Variants in JPH3 observed in about 807,000 individuals in gnomAD.
JPH3 encodes the protein junctophilin-3.
Under a neutral mutation model 59.6 loss-of-function variants are expected in JPH3, and 11 were observed. The observed-to-expected ratio is 0.18, with a 90% confidence interval of 0.12 to 0.31. The LOEUF is 0.31. Ranked by LOEUF, JPH3 falls within the 10% of genes least tolerant of loss-of-function variation. The pLI, the probability that JPH3 is intolerant of heterozygous loss-of-function variation, is 1.00. For missense variants in JPH3, 1,202 were observed against 1,105.7 expected (o/e 1.09, Z -1.24); for synonymous variants, 673 against 483.6 (o/e 1.39, Z -5.14).
intron 1 of JPH3, among the ~76,000 whole-genome samples, chr16:87,618,838 C>T (rs2031068709): frequency 6.6e-6 from 1 of 152,150 alleles, no homozygotes; most frequent in African/African-American, 2.4e-5. Context: ...CCTGTAATTC[C>T]AGCACTTTGG....
chr16:87,640,964 C>T (rs1290070205), intron 1 of JPH3, among the ~76,000 whole-genome samples: 2 of 152,234 alleles, frequency 1.3e-5, no homozygotes, highest in African/African-American at 4.8e-5. Context: ...CTGAGACCCA[C>T]CGAGCCTAGT....
At chr16:87,637,275 C>G (rs1365688679) in intron 1 of JPH3, among the ~76,000 whole-genome samples, 2 of 152,270 alleles carry the variant, frequency 1.3e-5, no homozygotes, top group African/African-American at 2.4e-5. Flanking sequence ...ATCATCAGCT[C>G]TATCAGGTTG....
chr16:87,659,405 T>TAAAAAAAAAAAAAAAA, intron 2 of JPH3, among the ~76,000 whole-genome samples: 1 of 100,986 alleles, frequency 9.9e-6, no homozygotes, highest in South Asian at 3.2e-4. Flanking sequence ...AAAAGAAAAC[T>TAAAAAAAAAAAAAAAA]ACACACACAT....
chr16:87,620,098 C>T (rs1038923580), intron 1 of JPH3, among the ~76,000 whole-genome samples: 1 of 152,092 alleles, frequency 6.6e-6, no homozygotes, highest in Admixed American at 6.5e-5. Context: ...ACAGAGGTCC[C>T]AGCCCACAGT....
At chr16:87,604,610 A>C in intron 1 of JPH3, 1 of 1,207,548 alleles carries the variant, frequency 8.3e-7, no homozygotes, top group Non-Finnish European at 1.0e-6. Context: ...TTCTGCCGAG[A>C]ATAAAAATCC....
chr16:87,626,393 C>T (rs1597243867), intron 1 of JPH3, among the ~76,000 whole-genome samples: 2 of 152,356 alleles, frequency 1.3e-5, no homozygotes, highest in African/African-American at 4.8e-5. Context: ...CGCGAGTCCT[C>T]CAGGAGGACT....
chr16:87,665,130 A>C (rs1384370811), intron 2 of JPH3, among the ~76,000 whole-genome samples: 1 of 152,094 alleles, frequency 6.6e-6, no homozygotes, highest in Non-Finnish European at 1.5e-5. Context: ...TGAGCACCAC[A>C]GTCTTTATGG....
chr16:87,666,543 C>T (rs971595763), intron 2 of JPH3, among the ~76,000 whole-genome samples: 1 of 152,026 alleles, frequency 6.6e-6, no homozygotes, highest in African/African-American at 2.4e-5. Context: ...AGGTGTGCAC[C>T]ACCATGCCTT....
chr16:87,659,283 A>G (rs904948160), intron 2 of JPH3, among the ~76,000 whole-genome samples: 2 of 150,498 alleles, frequency 1.3e-5, no homozygotes, highest in Admixed American at 1.3e-4. Flanking sequence ...AAGCTGAGGC[A>G]TGAGAATCAC....
chr16:87,650,193 G>C (rs2032286385), intron 2 of JPH3, among the ~76,000 whole-genome samples: 1 of 152,192 alleles, frequency 6.6e-6, no homozygotes, highest in African/African-American at 2.4e-5. Context: ...CCACACTTTG[G>C]TAATTCTCAC....
intron 2 of JPH3, among the ~76,000 whole-genome samples, chr16:87,653,079 T>G (rs1023403325): frequency 1.7e-4 from 26 of 152,094 alleles, no homozygotes; most frequent in South Asian, 2.1e-4. Context: ...CGGGGGGGAC[T>G]AGAATTCTCA....
intron 1 of JPH3, among the ~76,000 whole-genome samples, chr16:87,621,374 C>A (rs554835337): frequency 6.6e-6 from 1 of 152,316 alleles, no homozygotes; most frequent in East Asian, 1.9e-4. Flanking sequence ...CAGCCCAGAC[C>A]TGGGATCCGC....
At chr16:87,662,787 C>T (rs980882206) in intron 2 of JPH3, among the ~76,000 whole-genome samples, 4 of 152,248 alleles carry the variant, frequency 2.6e-5, no homozygotes, top group African/African-American at 9.6e-5. Flanking sequence ...AGGGTTGCAA[C>T]CTCTTCCGTC....
Position 87,603,230 on chromosome 16 carries a change from C to T in JPH3, c.84C>T (p.Gly28=). ...GWEDGKAHGH[G]VCTGPKGQGE... is the part of the protein sequence containing the mutation. Reference sequence around the variant, plus strand: ...AGGACGGCAAGGCGCACGGCCATGGCGTCTGCACCGGCCCCAAGGGCCAAG... The same window carrying T: ...AGGACGGCAAGGCGCACGGCCATGGTGTCTGCACCGGCCCCAAGGGCCAAG... The change falls in exon 1 of 5, where the codon GGC becomes GGT. Residue 28 remains glycine, a synonymous_variant. Coordinates refer to ENST00000284262, the MANE Select transcript of JPH3 (RefSeq NM_020655.4). 1.2e-6 allele frequency: 2 copies of T among 1,613,858 alleles called. No individual in the cohort carries two copies. The highest frequency in any genetic ancestry group is 8.5e-7 in the Non-Finnish European group (1 of 1,179,940).
At chr16:87,625,998 C>T (rs1462134732) in intron 1 of JPH3, among the ~76,000 whole-genome samples, 1 of 152,202 alleles carries the variant, frequency 6.6e-6, no homozygotes, top group Non-Finnish European at 1.5e-5. Flanking sequence ...GCCAAGGAGG[C>T]AATCTCCAGA....
intron 2 of JPH3, among the ~76,000 whole-genome samples, chr16:87,680,352 C>CTGCGCCCGGAAGGAAGTGGTG (rs1555542425): frequency 6.6e-6 from 1 of 150,922 alleles, no homozygotes; most frequent in Admixed American, 6.6e-5. Context: ...TGTGGAGGGG[C>CTGCGCCCGGAAGGAAGTGGTG]TGCGCCCGGA....
intron 2 of JPH3, among the ~76,000 whole-genome samples, chr16:87,681,066 G>A (rs914994532): frequency 6.6e-6 from 1 of 152,236 alleles, no homozygotes; most frequent in Non-Finnish European, 1.5e-5. Context: ...GAGAGACATT[G>A]ACGAAATATT....
At chr16:87,634,372 T>A (rs1181985686) in intron 1 of JPH3, among the ~76,000 whole-genome samples, 1 of 152,014 alleles carries the variant, frequency 6.6e-6, no homozygotes, top group Non-Finnish European at 1.5e-5. Context: ...CTGGTCGATA[T>A]GGGCCAGCCT....
At chr16:87,620,454 AGGAGAGAGAG>A (rs1479987201) in intron 1 of JPH3, among the ~76,000 whole-genome samples, 1 of 129,918 alleles carries the variant, frequency 7.7e-6, no homozygotes, top group East Asian at 2.7e-4. Flanking sequence ...GAGAGAGAGA[AGGAGAGAGAG>A]GGAGAGAAGG....
Sources: allele counts gnomAD v4.1 joint callset (sites outside exome capture counted in the v4.1 genomes callset), GRCh38; gene constraint gnomAD v4.1.1; transcripts MANE v1.5; gene names NCBI Gene and HGNC (gene_info 2026-07-23, HGNC 2026-07-21).